HAUS8: variants seen among roughly 807,000 people sequenced by gnomAD.
HAUS8 encodes the protein HAUS augmin-like complex subunit 8.
In HAUS8, 38 loss-of-function variants were observed where a neutral mutation model predicts 42.9. That is an observed-to-expected ratio of 0.89 (90% CI 0.68 to 1.16). The LOEUF (loss-of-function observed/expected upper bound fraction) is 1.16, where lower values mean the gene tolerates loss of function less well. HAUS8 is among the 50% of genes most tolerant of loss of function. The pLI is 0.00. For synonymous variants in HAUS8, 199 were observed against 205.8 expected (o/e 0.97, Z 0.28); for missense variants, 494 against 511.6 (o/e 0.97, Z 0.33).
intron 9 of HAUS8, chr19:17,053,420 G>A (rs1054736958): frequency 5.9e-6 from 1 of 170,156 alleles, no homozygotes; most frequent in Non-Finnish European, 1.3e-5. Flanking sequence ...ATCACATCAA[G>A]GCCAGTCGTA....
intron 4 of HAUS8, 37 bp downstream of exon 4, chr19:17,062,661 C>G: frequency 6.5e-7 from 1 of 1,536,316 alleles, no homozygotes; most frequent in Non-Finnish European, 9.0e-7. Context: ...TTTACTGCCG[C>G]GCTCATCACT....
rs555536521 is a variant in HAUS8 at position 17,055,984 on chromosome 19, A to C, written c.664T>G (p.Phe222Val). The change falls in exon 9 of 11, where the codon TTC becomes GTC. Residue 222 changes from phenylalanine (F) to valine (V), a missense_variant. Physicochemically the swap from Phe to Val is conservative, Grantham distance 50. Transcript: ENST00000253669. ...LDAQIEMLSP[F>V]EAVATRFKEQ... ...TTGAAGCGTGTGGCCACTGCCTCGA[A>C]GGGGCTGAGCATCTCGATCTGTAAG... 17 of 1,614,112 alleles carry C rather than the reference A, an allele frequency of 1.1e-5. No homozygotes were observed. The highest frequency in any genetic ancestry group is 1.4e-5 in the Non-Finnish European group (16 of 1,180,020).
intron 3 of HAUS8, among the ~76,000 whole-genome samples, chr19:17,068,770 A>G (rs78762922): frequency 6.6e-6 from 1 of 151,218 alleles, no homozygotes; most frequent in Admixed American, 6.6e-5. Context: ...CCTCAAAAAC[A>G]AAAAAAAAGG....
At position 17,056,871 on chromosome 19, in the gene HAUS8, G is replaced by A. The variant is rs778130281; in HGVS notation, c.646-869C>T. Among the ~76,000 whole-genome samples the A allele has an allele frequency of 5.3e-5, 8 of 152,052 alleles. No individual in the cohort carries two copies. In the South Asian group the frequency reaches 6.2e-4, roughly 12 times the overall value. ...CTCCCAAAGTGCTGGGATCACAGGC[G>A]TGAGCCACTGCACATACATATTTTT... On this transcript the variant is annotated intron_variant, in intron 8 of 10. Coordinates refer to ENST00000253669, the MANE Select transcript of HAUS8 (RefSeq NM_033417.2).
chr19:17,050,481 G>A (rs2057280794), intron 10 of HAUS8, among the ~76,000 whole-genome samples: 1 of 152,128 alleles, frequency 6.6e-6, no homozygotes. Flanking sequence ...CCCTGGCCAG[G>A]TAAAGTGGGA....
At chr19:17,059,898 T>C (rs1271594781) in intron 5 of HAUS8, 99 bp downstream of exon 5, 1 of 841,188 alleles carries the variant, frequency 1.2e-6, no homozygotes, top group African/African-American at 1.7e-5. Context: ...ATGGGTTTGT[T>C]GGATGTGACC....
At chr19:17,066,550 G>C (rs2057388166) in intron 3 of HAUS8, among the ~76,000 whole-genome samples, 1 of 152,166 alleles carries the variant, frequency 6.6e-6, no homozygotes, top group Non-Finnish European at 1.5e-5. Context: ...GCAGAAGAGG[G>C]GCAGTCTTGG....
At chr19:17,074,452 C>T (rs562868565) in intron 1 of HAUS8, 264 of 152,448 alleles carry the variant, frequency 1.7e-3, no homozygotes, top group South Asian at 2.9e-3. Flanking sequence ...CCTCCTAACC[C>T]GACAGCTTCC....
chr19:17,060,773 T>A (rs1026703735), intron 4 of HAUS8, among the ~76,000 whole-genome samples: 1 of 152,212 alleles, frequency 6.6e-6, no homozygotes, highest in African/African-American at 2.4e-5. Context: ...GTTCCCTTCA[T>A]CTTTTAACGT....
intron 8 of HAUS8, among the ~76,000 whole-genome samples, chr19:17,056,537 A>G (rs766072725): frequency 6.6e-6 from 1 of 152,022 alleles, no homozygotes; most frequent in African/African-American, 2.4e-5. Context: ...GCATCTATAT[A>G]CACACACACA....
chr19:17,060,333 C>A (rs2057353130), intron 4 of HAUS8: 3 of 443,122 alleles, frequency 6.8e-6, no homozygotes, highest in Admixed American at 3.8e-5. Flanking sequence ...CAAAGAGACG[C>A]AAATAGGCCT....
chr19:17,070,795 C>T (rs796161073), intron 2 of HAUS8, among the ~76,000 whole-genome samples: 21 of 152,330 alleles, frequency 1.4e-4, no homozygotes, highest in African/African-American at 4.3e-4. Flanking sequence ...CTAGGCCAGG[C>T]GTAGTGGCTC....
rs928682132 is a variant in HAUS8, at chr19:17,060,087, T to C, written c.235A>G (p.Ser79Gly). The C allele has an allele frequency of 1.2e-6, 2 of 1,608,314 alleles. No homozygotes were observed. Among genetic ancestry groups the C allele is most frequent in the Non-Finnish European group, 8.5e-7 (1 of 1,174,860 alleles). ...AGGTCACCCTTTCCGACCCCACTGC[T>C]ATCTGCTGTTAAGAAAAGAATCCCC... ...SSLLQKSKAD[S>G]SGVGKGDLQS... The change falls in exon 5 of 11, where the codon AGC becomes GGC. Residue 79 changes from serine (S) to glycine (G), a missense_variant. By Grantham distance (56) the Ser-to-Gly change is moderately conservative. Transcript: ENST00000253669.
intron 9 of HAUS8, among the ~76,000 whole-genome samples, chr19:17,054,054 C>T (rs1307476710): frequency 6.6e-6 from 1 of 152,078 alleles, no homozygotes; most frequent in Non-Finnish European, 1.5e-5. Flanking sequence ...AGCCAAGGAA[C>T]GCCAAGGGCC....
At chr19:17,074,694 G>A (rs1472244142) in intron 1 of HAUS8, 1 of 152,410 alleles carries the variant, frequency 6.6e-6, no homozygotes, top group East Asian at 1.9e-4. Context: ...GTACCTGGGA[G>A]GTGCTACTGT....
intron 10 of HAUS8, among the ~76,000 whole-genome samples, chr19:17,051,271 T>C (rs2057285613): frequency 6.6e-6 from 1 of 151,968 alleles, no homozygotes. Context: ...TTTGCATAAG[T>C]CCTTTTCCAA....
In HAUS8 at chr19:17,075,377, C is replaced by A; in HGVS notation, c.29+17G>T. ...TATGGCGTCTACAAATCCAGACCTG[C>A]GGAAGCCCCAACTCACCCAGCGCCT... On this transcript the variant is annotated intron_variant, in intron 1 of 10. Coordinates refer to ENST00000253669, the MANE Select transcript of HAUS8 (RefSeq NM_033417.2). The A allele has an allele frequency of 6.2e-7, 1 of 1,613,828 alleles. No homozygotes were observed. Among genetic ancestry groups the A allele is most frequent in the East Asian group, 2.2e-5 (1 of 44,878 alleles).
intron 2 of HAUS8, 128 bp downstream of exon 2, chr19:17,073,146 C>T (rs757052731): frequency 4.8e-5 from 39 of 812,032 alleles, no homozygotes; most frequent in Non-Finnish European, 7.6e-5. Context: ...GACCCAGAAT[C>T]CCCACAGGTG....
Position 17,075,388 on chromosome 19 carries a change from A to G in HAUS8, c.29+6T>C. 6.2e-7 allele frequency: 1 copy of G among 1,613,560 alleles called. No individual in the cohort carries two copies. The highest frequency in any genetic ancestry group is 1.3e-5 in the African/African-American group (1 of 74,924). On this transcript the variant is annotated splice_donor_region_variant and intron_variant, in intron 1 of 10. Transcript: ENST00000253669. ...CAAATCCAGACCTGCGGAAGCCCCA[A>G]CTCACCCAGCGCCTCGCCCCGAGGA... is the stretch of plus-strand genomic sequence containing the variant.
Sources: allele counts gnomAD v4.1 joint callset (sites outside exome capture counted in the v4.1 genomes callset), GRCh38; gene constraint gnomAD v4.1.1; transcripts MANE v1.5; gene names NCBI Gene and HGNC (gene_info 2026-07-23, HGNC 2026-07-21).